Variants in MAP6 observed in about 807,000 individuals in gnomAD.
MAP6 encodes the protein microtubule-associated protein 6.
A neutral mutation model predicts 42.4 loss-of-function variants in MAP6; 26 were observed. The observed-to-expected ratio is 0.61, with a 90% confidence interval of 0.45 to 0.85. MAP6 has a LOEUF of 0.85. MAP6 is among the 40% of genes least tolerant of loss of function. The pLI is 0.00. For synonymous variants in MAP6, 418 were observed against 443.8 expected (o/e 0.94, Z 0.73); for missense variants, 966 against 1,099.0 (o/e 0.88, Z 1.71).
chr11:75,642,221 G>A (rs1166006724), intron 1 of MAP6, among the ~76,000 whole-genome samples: 1 of 152,162 alleles, frequency 6.6e-6, no homozygotes, highest in African/African-American at 2.4e-5. Context: ...CATGTTGGCT[G>A]ACTGAAATTT....
chr11:75,605,293 CTTTT>C, intron 3 of MAP6: 2 of 986,154 alleles, frequency 2.0e-6, no homozygotes, highest in Non-Finnish European at 1.2e-6. Flanking sequence ...AAGGTTGTTT[CTTTT>C]TTTGTTATTT....
intron 1 of MAP6, among the ~76,000 whole-genome samples, chr11:75,640,337 A>G (rs1362991719): frequency 6.6e-6 from 1 of 152,202 alleles, no homozygotes; most frequent in Non-Finnish European, 1.5e-5. Context: ...TTGGTGCAGC[A>G]CCTACTGTCT....
At chr11:75,644,375 T>C (rs1943522816) in intron 1 of MAP6, among the ~76,000 whole-genome samples, 1 of 152,214 alleles carries the variant, frequency 6.6e-6, no homozygotes, top group African/African-American at 2.4e-5. Context: ...ACAAAGCTGT[T>C]ACCATTATTT....
At chr11:75,651,615 G>A (rs1943647727) in intron 1 of MAP6, among the ~76,000 whole-genome samples, 1 of 152,304 alleles carries the variant, frequency 6.6e-6, no homozygotes, top group South Asian at 2.1e-4. Flanking sequence ...TCACAATGGT[G>A]ACTCCTGTAC....
rs1942397090 is a variant in MAP6 at position 75,588,100 on chromosome 11, G to A, written c.1401C>T (p.Val467=). The A allele has an allele frequency of 6.2e-7, 1 of 1,614,158 alleles. No individual in the cohort carries two copies. The highest frequency in any genetic ancestry group is 8.5e-7 in the Non-Finnish European group (1 of 1,180,024). ...TEPDKDQGSV[V]PGLLKGQGPM... ...GACCTTGACCTTTCAGAAGGCCTGG[G>A]ACCACAGAACCTTGATCCTTGTCTG... The change falls in exon 4 of 4, where the codon GTC becomes GTT. Residue 467 remains valine (V), a synonymous_variant. Transcript: ENST00000304771.
At chr11:75,642,988 C>G (rs1480580833) in intron 1 of MAP6, 1 of 371,194 alleles carries the variant, frequency 2.7e-6, no homozygotes, top group Non-Finnish European at 5.7e-6. Flanking sequence ...TGAGTGACTT[C>G]CTTGCTAAAT....
intron 1 of MAP6, chr11:75,638,395 C>A (rs1943408709): frequency 1.3e-5 from 2 of 152,166 alleles, no homozygotes; most frequent in African/African-American, 2.4e-5. Context: ...CCGCACTGCC[C>A]TTGGGGTGCT....
At chr11:75,640,505 G>A (rs1590794978) in intron 1 of MAP6, among the ~76,000 whole-genome samples, 2 of 152,136 alleles carry the variant, frequency 1.3e-5, no homozygotes, top group East Asian at 3.8e-4. Context: ...AATCTCAGAA[G>A]CATATTGAAA....
At chr11:75,666,762 C>T (rs1246844729) in intron 1 of MAP6, among the ~76,000 whole-genome samples, 1 of 152,096 alleles carries the variant, frequency 6.6e-6, no homozygotes, top group East Asian at 1.9e-4. Context: ...AATATTAAAT[C>T]AATAAAAGTG....
chr11:75,656,196 C>T (rs1943747081), intron 1 of MAP6, among the ~76,000 whole-genome samples: 1 of 152,182 alleles, frequency 6.6e-6, no homozygotes, highest in South Asian at 2.1e-4. Flanking sequence ...GTTTCAAAGA[C>T]ACTGCACAAA....
At position 75,667,497 on chromosome 11, in the gene MAP6, C is replaced by T; in HGVS notation, c.873G>A (p.Glu291=). Residue 291 remains glutamate (E), a synonymous_variant, in exon 1 of 4, where the codon GAG becomes GAA. Transcript: ENST00000304771. This position sits in a 1 kb window ranked among gnomAD's most constrained non-coding sequence, Gnocchi z 5.6. ...AGCTGCTCACTGCACTCGCCACCTC[C>T]TCGCGGATTTGCCGGTTGAGGGCGT... is the stretch of plus-strand genomic sequence containing the variant. ...AADALNRQIR[E]EVASAVSSSY... is the part of the protein sequence containing the mutation. 1 of 1,510,776 alleles carries T rather than the reference C, an allele frequency of 6.6e-7. No individual in the cohort carries two copies. 93.6% of individuals were successfully genotyped at this position (1,510,776 alleles called of 1,614,324 possible).
chr11:75,593,349 T>C (rs1377848298), intron 3 of MAP6, among the ~76,000 whole-genome samples: 1 of 152,238 alleles, frequency 6.6e-6, no homozygotes, highest in Admixed American at 6.5e-5. Context: ...ATGAGACATC[T>C]TGTCTTAGAC....
chr11:75,655,137 T>C (rs1271554963), intron 1 of MAP6, among the ~76,000 whole-genome samples: 1 of 152,230 alleles, frequency 6.6e-6, no homozygotes, highest in Admixed American at 6.5e-5. Flanking sequence ...TCATAGCCTA[T>C]AGTCCCAGCC....
chr11:75,641,903 T>C (rs1943477010), intron 1 of MAP6, among the ~76,000 whole-genome samples: 1 of 152,224 alleles, frequency 6.6e-6, no homozygotes, highest in Non-Finnish European at 1.5e-5. Context: ...AAGTCTATTT[T>C]AGAGGTCAGT....
At chr11:75,617,439 C>G (rs1405657719) in intron 1 of MAP6, among the ~76,000 whole-genome samples, 1 of 135,360 alleles carries the variant, frequency 7.4e-6, no homozygotes, top group African/African-American at 2.8e-5. Flanking sequence ...TGGCTTGAAC[C>G]TGGGAGGCGG....
At chr11:75,595,016 T>G (rs937189035) in intron 3 of MAP6, among the ~76,000 whole-genome samples, 5 of 152,184 alleles carry the variant, frequency 3.3e-5, no homozygotes, top group Non-Finnish European at 7.4e-5. Flanking sequence ...TCCCTCTCTA[T>G]TCCATAAAAG....
chr11:75,615,753 T>C (rs1590771993), intron 1 of MAP6, among the ~76,000 whole-genome samples: 1 of 152,318 alleles, frequency 6.6e-6, no homozygotes, highest in Middle Eastern at 3.4e-3. Context: ...GAATGCCTGA[T>C]TAATTGAATC....
At chr11:75,623,488 C>A (rs549688347) in intron 1 of MAP6, among the ~76,000 whole-genome samples, 1 of 152,188 alleles carries the variant, frequency 6.6e-6, no homozygotes, top group African/African-American at 2.4e-5. Flanking sequence ...TTTCCTGACA[C>A]CCCTCCCTTT....
chr11:75,621,763 G>A (rs1431136844), intron 1 of MAP6, among the ~76,000 whole-genome samples: 8 of 152,218 alleles, frequency 5.3e-5, no homozygotes, highest in East Asian at 1.9e-4. Context: ...GGAATTGACC[G>A]AGTAATCCCT....
Sources: gnomAD v4.1 joint callset for allele counts (sites outside exome capture counted in the v4.1 genomes callset) on GRCh38, gnomAD v4.1.1 for gene constraint, Gnocchi (gnomAD v3.1) non-coding constraint, MANE v1.5 for transcripts, NCBI Gene and HGNC (gene_info 2026-07-23, HGNC 2026-07-21) for gene names.